RPSA2: variants seen among roughly 807,000 people sequenced by gnomAD.
RPSA2 encodes small ribosomal subunit protein uS2B.
At chr19:23,802,758 C>G in the RPSA2 span, among the ~76,000 whole-genome samples, 838 of 152,270 alleles carry the variant, frequency 5.5e-3, 8 homozygotes, top group African/African-American at 0.02. Flanking sequence ...TGGTCCCTAC[C>G]ATGCAAGAAC....
chr19:23,831,761 A>G, the RPSA2 span: 1 of 287,390 alleles, frequency 3.5e-6, no homozygotes, highest in Non-Finnish European at 7.4e-6. Flanking sequence ...AGAAGGTTAT[A>G]ATGGACTTAA....
the RPSA2 span, among the ~76,000 whole-genome samples, chr19:23,790,555 G>C: frequency 6.6e-6 from 1 of 151,950 alleles, no homozygotes; most frequent in Non-Finnish European, 1.5e-5. Context: ...CAGCGACATT[G>C]GACTGGAAAC....
the RPSA2 span, chr19:23,808,947 T>C: frequency 3.7e-6 from 1 of 271,688 alleles, no homozygotes; most frequent in Non-Finnish European, 7.5e-6. Context: ...TTTTAAAAAT[T>C]ATACTCTCAC....
At chr19:23,834,644 G>A in the RPSA2 span, among the ~76,000 whole-genome samples, 5 of 151,968 alleles carry the variant, frequency 3.3e-5, no homozygotes, top group Non-Finnish European at 7.4e-5. Flanking sequence ...ATACTATACA[G>A]CATATTTTTA....
the RPSA2 span, among the ~76,000 whole-genome samples, chr19:23,787,453 ACG>A: frequency 6.8e-6 from 1 of 147,152 alleles, no homozygotes; most frequent in Non-Finnish European, 1.5e-5. Context: ...AAAGAAAAAT[ACG>A]AAAAGCAGCC....
At chr19:23,826,843 G>A in the RPSA2 span, among the ~76,000 whole-genome samples, 7 of 149,530 alleles carry the variant, frequency 4.7e-5, no homozygotes, top group Admixed American at 1.3e-4. Flanking sequence ...GTGCCAACAC[G>A]TTTGGCTAAT....
the RPSA2 span, among the ~76,000 whole-genome samples, chr19:23,839,157 G>T: frequency 2.0e-5 from 3 of 152,206 alleles, no homozygotes; most frequent in East Asian, 1.9e-4. Context: ...TTAAGTTGAA[G>T]AATTTTTTAA....
chr19:23,790,024 A>G, the RPSA2 span, among the ~76,000 whole-genome samples: 2 of 150,392 alleles, frequency 1.3e-5, no homozygotes, highest in Non-Finnish European at 3.0e-5. Flanking sequence ...TTTTGAGATG[A>G]AGTATTGCTC....
At chr19:23,788,171 T>C in the RPSA2 span, among the ~76,000 whole-genome samples, 2 of 152,046 alleles carry the variant, frequency 1.3e-5, no homozygotes, top group Non-Finnish European at 2.9e-5. Context: ...CCAGCACCTA[T>C]GTGATGTGAC....
At chr19:23,864,045 A>G in the RPSA2 span, among the ~76,000 whole-genome samples, 1 of 152,148 alleles carries the variant, frequency 6.6e-6, no homozygotes, top group African/African-American at 2.4e-5. Context: ...TTCAGCACTT[A>G]TTGTCACAAG....
chr19:23,827,447 G>A, the RPSA2 span: 2 of 1,519,306 alleles, frequency 1.3e-6, no homozygotes, highest in Non-Finnish European at 9.0e-7. Context: ...TGCCACTGGA[G>A]CCACTCCAAT....
chr19:23,785,348 C>G, the RPSA2 span, among the ~76,000 whole-genome samples: 3 of 152,074 alleles, frequency 2.0e-5, no homozygotes, highest in Non-Finnish European at 4.4e-5. Context: ...GCCCCAACAC[C>G]TATAAAAAGG....
At chr19:23,854,803 C>T in the RPSA2 span, among the ~76,000 whole-genome samples, 1 of 152,112 alleles carries the variant, frequency 6.6e-6, no homozygotes, top group African/African-American at 2.4e-5. Flanking sequence ...TGGCCCATGC[C>T]CACAGAATAG....
At chr19:23,825,099 C>T in the RPSA2 span, among the ~76,000 whole-genome samples, 1 of 152,006 alleles carries the variant, frequency 6.6e-6, no homozygotes, top group African/African-American at 2.4e-5. Flanking sequence ...CTTGCCTCAG[C>T]ATCCTGAGTA....
At chr19:23,841,235 C>T in the RPSA2 span, among the ~76,000 whole-genome samples, 1 of 152,008 alleles carries the variant, frequency 6.6e-6, no homozygotes, top group Non-Finnish European at 1.5e-5. Flanking sequence ...GAGGCCGAGG[C>T]AGGCAGATCA....
the RPSA2 span, among the ~76,000 whole-genome samples, chr19:23,831,028 G>T: frequency 6.6e-6 from 1 of 151,888 alleles, no homozygotes; most frequent in Non-Finnish European, 1.5e-5. Context: ...GTTTACTCTT[G>T]TTATTTTGTA....
the RPSA2 span, among the ~76,000 whole-genome samples, chr19:23,784,520 C>T: frequency 6.6e-6 from 1 of 152,208 alleles, no homozygotes; most frequent in South Asian, 2.1e-4. Context: ...GATGTTGACT[C>T]TGGGCTTAGA....
chr19:23,758,815 A>G, the RPSA2 span: 1 of 1,611,168 alleles, frequency 6.2e-7, no homozygotes, highest in Non-Finnish European at 8.5e-7. Context: ...TCAGAGGGCC[A>G]TAGAGGCTGG....
At chr19:23,806,633 A>G in the RPSA2 span, among the ~76,000 whole-genome samples, 2 of 151,708 alleles carry the variant, frequency 1.3e-5, no homozygotes, top group Non-Finnish European at 2.9e-5. Context: ...AAAATACAAA[A>G]AATTAGCCAG....
Sources: allele counts gnomAD v4.1 joint callset (sites outside exome capture counted in the v4.1 genomes callset), GRCh38; gene constraint gnomAD v4.1.1; transcripts MANE v1.5; gene names NCBI Gene and HGNC (gene_info 2026-07-23, HGNC 2026-07-21).